Variants in PDE3B observed in about 807,000 individuals in gnomAD.
The protein encoded by PDE3B is cGMP-inhibited 3',5'-cyclic phosphodiesterase 3B.
PDE3B carries 66 observed loss-of-function variants against 116.8 expected under a neutral mutation model. That is an observed-to-expected ratio of 0.56 (90% CI 0.46 to 0.69). PDE3B has a LOEUF of 0.69. Among genes scored for constraint, PDE3B ranks in the 30% least tolerant of loss-of-function variants. PDE3B has a pLI of 0.00. For synonymous variants in PDE3B, 595 were observed against 533.6 expected (o/e 1.12, Z -1.59); for missense variants, 1,384 against 1,368.1 (o/e 1.01, Z -0.18).
At chr11:14,703,931 T>G (rs1433615620) in intron 1 of PDE3B, among the ~76,000 whole-genome samples, 1 of 151,748 alleles carries the variant, frequency 6.6e-6, no homozygotes, top group Non-Finnish European at 1.5e-5. Flanking sequence ...GGATGATAGT[T>G]TAGCTGGGTA....
At position 14,735,293 on chromosome 11, in the gene PDE3B, G is replaced by A. The variant is rs536579180; in HGVS notation, c.979-36644G>A. Among the ~76,000 whole-genome samples, 1,427 of 152,220 alleles carry A rather than the reference G, an allele frequency of 9.4e-3. 13 individuals carry two copies. The highest frequency in any genetic ancestry group is 0.017 in the Middle Eastern group (5 of 294). On this transcript the variant is annotated intron_variant, in intron 1 of 15. Transcript: ENST00000282096. ...TGTGTGACAAAGATAGAAAGTAGAGGAATGTGATACAAAGGGAGAAATAAA... is the reference window on the plus strand; with the variant it reads ...TGTGTGACAAAGATAGAAAGTAGAGAAATGTGATACAAAGGGAGAAATAAA...
At chr11:14,863,489 C>T (rs887573873) in intron 14 of PDE3B, among the ~76,000 whole-genome samples, 5 of 151,952 alleles carry the variant, frequency 3.3e-5, no homozygotes, top group African/African-American at 4.8e-5. Flanking sequence ...AAATGTCCCA[C>T]GATGCATAAT....
At chr11:14,847,019 C>G (rs1420763548) in intron 12 of PDE3B, among the ~76,000 whole-genome samples, 1 of 152,180 alleles carries the variant, frequency 6.6e-6, no homozygotes, top group Admixed American at 6.5e-5. Flanking sequence ...CTCTCCACCC[C>G]AAATCAACAG....
At chr11:14,854,556 T>C (rs1555005852) in intron 12 of PDE3B, among the ~76,000 whole-genome samples, 2 of 151,962 alleles carry the variant, frequency 1.3e-5, no homozygotes, top group African/African-American at 2.4e-5. Context: ...TCTCACTCTG[T>C]TGCCAGGCTG....
At chr11:14,810,697 T>C (rs1051489458) in intron 5 of PDE3B, among the ~76,000 whole-genome samples, 1 of 144,146 alleles carries the variant, frequency 6.9e-6, no homozygotes, top group Admixed American at 7.1e-5. Flanking sequence ...ATGGGATGGC[T>C]GGGTCAAATG....
chr11:14,755,347 CTG>C (rs2034012164), intron 1 of PDE3B, among the ~76,000 whole-genome samples: 1 of 152,142 alleles, frequency 6.6e-6, no homozygotes, highest in Non-Finnish European at 1.5e-5. Context: ...ATCTGTTTAA[CTG>C]TGCAATCAAG....
At chr11:14,789,366 C>T (rs184341734) in intron 4 of PDE3B, 124 bp downstream of exon 4, 1 of 649,882 alleles carries the variant, frequency 1.5e-6, no homozygotes. Context: ...TATAGGACAA[C>T]ATGTGTAGTA....
At chr11:14,786,407 G>A in intron 2 of PDE3B, 30 bp from the exon 3 acceptor site, 3 of 1,575,716 alleles carry the variant, frequency 1.9e-6, no homozygotes, top group Non-Finnish European at 2.6e-6. Flanking sequence ...ATGTACAAAT[G>A]AATGAAAATT....
At chr11:14,732,561 C>T (rs1856488468) in intron 1 of PDE3B, among the ~76,000 whole-genome samples, 1 of 152,080 alleles carries the variant, frequency 6.6e-6, no homozygotes, top group Non-Finnish European at 1.5e-5. Context: ...AAGTAATGAT[C>T]TTATAAAATA....
chr11:14,853,254 T>C (rs962149255), intron 12 of PDE3B, among the ~76,000 whole-genome samples: 4 of 152,218 alleles, frequency 2.6e-5, no homozygotes, highest in African/African-American at 4.8e-5. Context: ...GGATACTATA[T>C]ATTTTGTTTA....
intron 1 of PDE3B, among the ~76,000 whole-genome samples, chr11:14,683,665 CTT>C (rs1854781159): frequency 6.6e-6 from 1 of 151,824 alleles, no homozygotes; most frequent in Non-Finnish European, 1.5e-5. Flanking sequence ...TGTTATCACT[CTT>C]ATTGATGGGG....
intron 1 of PDE3B, among the ~76,000 whole-genome samples, chr11:14,750,773 T>C (rs1160733875): frequency 1.3e-5 from 2 of 152,210 alleles, no homozygotes; most frequent in East Asian, 3.8e-4. Flanking sequence ...TCTAAAAGTG[T>C]AATTTTAGAA....
intron 1 of PDE3B, among the ~76,000 whole-genome samples, chr11:14,666,424 T>C (rs932465938): frequency 1.1e-4 from 17 of 151,210 alleles, no homozygotes; most frequent in African/African-American, 4.1e-4. Context: ...GAAGCCAAAA[T>C]TGACAAATGG....
At chr11:14,722,717 A>G (rs1856158126) in intron 1 of PDE3B, among the ~76,000 whole-genome samples, 1 of 152,166 alleles carries the variant, frequency 6.6e-6, no homozygotes, top group South Asian at 2.1e-4. Flanking sequence ...TGACAGTTTG[A>G]TTATAACCTC....
chr11:14,888,413 C>G, the PDE3B span, among the ~76,000 whole-genome samples: 1 of 152,202 alleles, frequency 6.6e-6, no homozygotes, highest in Admixed American at 6.5e-5. Flanking sequence ...ATGCTAATAA[C>G]AGACAAATGT....
intron 4 of PDE3B, among the ~76,000 whole-genome samples, chr11:14,792,988 A>G (rs2133922705): frequency 6.6e-6 from 1 of 152,288 alleles, no homozygotes; most frequent in Middle Eastern, 3.4e-3. Flanking sequence ...AGCCTGTTTA[A>G]GTTCTGTAAA....
At position 14,831,576 on chromosome 11, in the gene PDE3B, G is replaced by A. The variant is rs1397121815; in HGVS notation, c.1957-64G>A. The stretch of plus-strand genomic sequence containing the variant: ...ATGTTTAATCCTAAGTGTTCTCATT[G>A]TAATATATATTTTACAGTATTTATA... On this transcript the variant is annotated intron_variant, in intron 8 of 15. Coordinates refer to ENST00000282096, the MANE Select transcript of PDE3B (RefSeq NM_000922.4). 1.2e-5 allele frequency: 12 copies of A among 1,001,272 alleles called. No homozygotes were observed. In the African/African-American group the frequency reaches 1.5e-4, roughly 13 times the overall value. 62.0% of individuals were successfully genotyped at this position (1,001,272 alleles called of 1,614,324 possible).
intron 3 of PDE3B, 110 bp downstream of exon 3, chr11:14,786,795 C>A: frequency 1.2e-6 from 1 of 827,772 alleles, no homozygotes; most frequent in Non-Finnish European, 1.9e-6. Context: ...AAGGATCAGA[C>A]ATAATATTGA....
At chr11:14,830,205 C>T (rs892504242) in intron 7 of PDE3B, among the ~76,000 whole-genome samples, 3 of 152,094 alleles carry the variant, frequency 2.0e-5, no homozygotes, top group African/African-American at 7.2e-5. Context: ...TGCTATTTAG[C>T]TATGAATACT....
Sources: allele counts gnomAD v4.1 joint callset (sites outside exome capture counted in the v4.1 genomes callset), GRCh38; gene constraint gnomAD v4.1.1; transcripts MANE v1.5; gene names NCBI Gene and HGNC (gene_info 2026-07-23, HGNC 2026-07-21).